Variants in RACGAP1 observed in about 807,000 individuals in gnomAD.
The protein encoded by RACGAP1 is Rac GTPase activating protein 1.
In RACGAP1, 30 loss-of-function variants were observed where a neutral mutation model predicts 78.1. That is an observed-to-expected ratio of 0.38 (90% CI 0.29 to 0.52). The LOEUF (loss-of-function observed/expected upper bound fraction) is 0.52, where lower values mean the gene tolerates loss of function less well. Among genes scored for constraint, RACGAP1 ranks in the 20% least tolerant of loss-of-function variants. RACGAP1 has a pLI of 0.82. For missense variants in RACGAP1, 587 were observed against 777.1 expected, an observed-to-expected ratio of 0.76 and a Z score of 2.91; for synonymous variants, 231 against 264.8, an observed-to-expected ratio of 0.87 and a Z score of 1.24.
chr12:49,997,273 T>C (rs1948357991), intron 9 of RACGAP1, 69 bp from the exon 10 acceptor site: 3 of 161,808 alleles, frequency 1.9e-5, no homozygotes, highest in South Asian at 2.3e-4. Context: ...ATCAACTAAC[T>C]TTTTTTTTTT....
chr12:50,016,977 A>C, intron 1 of RACGAP1: 1 of 1,231,190 alleles, frequency 8.1e-7, no homozygotes. Flanking sequence ...CTTGGAGCAG[A>C]AAACAAATAG....
chr12:50,009,467 T>C (rs958207851), intron 2 of RACGAP1, among the ~76,000 whole-genome samples: 4 of 22,342 alleles, frequency 1.8e-4, no homozygotes, highest in African/African-American at 1.9e-4. Context: ...GAAATCCTGA[T>C]TTTTTTTTTC....
chr12:50,006,838 A>G (rs1443104372), intron 2 of RACGAP1, among the ~76,000 whole-genome samples: 2 of 152,180 alleles, frequency 1.3e-5, no homozygotes, highest in Non-Finnish European at 2.9e-5. Flanking sequence ...AGCAATTCCT[A>G]TTCAATAGGC....
Position 49,992,080 on chromosome 12 carries a change from C to T in RACGAP1, c.1632G>A (p.Met544Ile), listed in dbSNP as rs1231151385. The change falls in exon 15 of 17, where the codon ATG (methionine) becomes ATA (isoleucine). Residue 544 changes from methionine (M) to isoleucine (I), a missense_variant. By Grantham distance (10) the Met-to-Ile change is conservative. Transcript: ENST00000312377. ...LPLEYWSQFM[M>I]VEQENIDPLH... ...GGGGGTCAATGTTCTCTTGCTCCAC[C>T]ATCATGAACTGACTCCAATACTCCA... 1 of 1,614,068 alleles carries T rather than the reference C, an allele frequency of 6.2e-7. No individual in the cohort carries two copies. Among genetic ancestry groups the T allele is most frequent in the Non-Finnish European group, 8.5e-7 (1 of 1,180,002 alleles).
At chr12:50,025,532 C>A, upstream of RACGAP1, 1 of 985,494 alleles carries the variant, frequency 1.0e-6, no homozygotes, top group Non-Finnish European at 1.2e-6. Flanking sequence ...ATTCCTCCCG[C>A]GCCGTCCCTC....
Position 50,022,236 on chromosome 12 carries a change from T to C in RACGAP1, c.-5+3162A>G, listed in dbSNP as rs183376644. On this transcript the variant is annotated intron_variant, in intron 1 of 16. Transcript: ENST00000312377. ...TTTCCTTTATTATCTATAACATTCATTTAGCAGATACAAAAATACTGTTTA... is the reference window on the plus strand; with the variant it reads ...TTTCCTTTATTATCTATAACATTCACTTAGCAGATACAAAAATACTGTTTA... Among the ~76,000 whole-genome samples, 419 of 152,340 alleles carry C rather than the reference T, an allele frequency of 2.8e-3. 2 individuals are homozygous for C. Among genetic ancestry groups the C allele is most frequent in the African/African-American group, 9.7e-3 (404 of 41,574 alleles).
chr12:50,017,428 C>A (rs1277655921), intron 1 of RACGAP1, among the ~76,000 whole-genome samples: 1 of 152,228 alleles, frequency 6.6e-6, no homozygotes, highest in African/African-American at 2.4e-5. Context: ...AAGCAAAAAT[C>A]ATTTGCTACT....
chr12:50,008,721 G>A (rs1176570901), intron 2 of RACGAP1, among the ~76,000 whole-genome samples: 1 of 151,800 alleles, frequency 6.6e-6, no homozygotes, highest in African/African-American at 2.4e-5. Context: ...TCAAACTCCT[G>A]ACCTCAAGTG....
At chr12:50,011,596 T>C (rs996596602) in intron 2 of RACGAP1, among the ~76,000 whole-genome samples, 1 of 151,934 alleles carries the variant, frequency 6.6e-6, no homozygotes, top group African/African-American at 2.4e-5. Context: ...GTAGTGTTTA[T>C]AGTAGTTTGG....
intron 2 of RACGAP1, among the ~76,000 whole-genome samples, chr12:50,015,826 A>T (rs927769634): frequency 1.5e-4 from 22 of 150,476 alleles, no homozygotes; most frequent in African/African-American, 5.0e-4. Flanking sequence ...AATTAAAAAA[A>T]TTTAAAAAAA....
chr12:49,996,404 G>A (rs566896349), intron 10 of RACGAP1, among the ~76,000 whole-genome samples: 6 of 151,608 alleles, frequency 4.0e-5, no homozygotes, highest in African/African-American at 9.7e-5. Context: ...TGAGGTGGGC[G>A]GATCACTTGA....
chr12:50,002,172 G>T, intron 6 of RACGAP1, 75 bp downstream of exon 6: 2 of 1,245,376 alleles, frequency 1.6e-6, no homozygotes, highest in Non-Finnish European at 1.2e-6. Context: ...CAGGAATGCA[G>T]TATCATGGCA....
upstream of RACGAP1, among the ~76,000 whole-genome samples, chr12:50,027,687 G>C (rs546845196): frequency 1.3e-5 from 2 of 152,064 alleles, no homozygotes; most frequent in Non-Finnish European, 1.5e-5. Flanking sequence ...TTAGCCAGGC[G>C]TGGTGGCAGA....
chr12:49,994,318 A>T lies in RACGAP1; in HGVS notation c.1152T>A (p.Tyr384Ter), dbSNP rs1246644591. ...CTGTGCGGTCACAGCCAGAGATCCT[A>T]TACAGGCCTGTCTATTATCAAGATG... ...EQRGLTETGL[Y>*]RISGCDRTVK... Residue 384 changes from tyrosine to a stop codon, truncating the protein, a stop_gained, in exon 12 of 17, where the codon TAT (tyrosine) becomes TAA (stop). Coordinates refer to ENST00000312377, the MANE Select transcript of RACGAP1 (RefSeq NM_001319999.2). LOFTEE classifies it high-confidence loss of function. 1 of 1,614,124 alleles carries T rather than the reference A, an allele frequency of 6.2e-7. No individual in the cohort carries two copies. Among genetic ancestry groups the T allele is most frequent in the Non-Finnish European group, 8.5e-7 (1 of 1,180,022 alleles).
At chr12:50,010,333 C>G (rs202134324) in intron 2 of RACGAP1, among the ~76,000 whole-genome samples, 1 of 107,036 alleles carries the variant, frequency 9.3e-6, no homozygotes. Flanking sequence ...TTTTTTTTTT[C>G]TTTTTTAAGA....
chr12:50,008,166 T>C (rs75834617), intron 2 of RACGAP1, among the ~76,000 whole-genome samples: 3 of 86,258 alleles, frequency 3.5e-5, no homozygotes, highest in Non-Finnish European at 6.2e-5. Flanking sequence ...AGGTGAGAAA[T>C]GTGAAAAAAA....
Position 49,989,973 on chromosome 12 carries a change from C to G in RACGAP1, c.*295G>C. On this transcript the variant is annotated 3_prime_UTR_variant, in exon 17 of 17. Transcript: ENST00000312377. ...GGCTTTAAGCCAAAGGAACAATAACCCCCTTCCCCAAAAAGAATCACAACC... is the reference window on the plus strand; with the variant it reads ...GGCTTTAAGCCAAAGGAACAATAACGCCCTTCCCCAAAAAGAATCACAACC... The G allele has an allele frequency of 3.2e-6, 1 of 310,882 alleles. No individual in the cohort carries two copies. The highest frequency in any genetic ancestry group is 5.9e-6 in the Non-Finnish European group (1 of 168,640). The allele number at this position is 310,882 out of a possible 1,614,324, so 19.3% of individuals were successfully genotyped here.
intron 1 of RACGAP1, among the ~76,000 whole-genome samples, chr12:50,023,862 G>A (rs935246135): frequency 2.0e-5 from 3 of 152,132 alleles, no homozygotes; most frequent in African/African-American, 7.2e-5. Flanking sequence ...GGGTATAAGG[G>A]TAAGAAATCA....
chr12:50,023,927 C>T (rs1592240693), intron 1 of RACGAP1, among the ~76,000 whole-genome samples: 1 of 151,332 alleles, frequency 6.6e-6, no homozygotes, highest in East Asian at 1.9e-4. Flanking sequence ...TTTGGGAGGC[C>T]GAGGTGGGCA....
Sources: allele counts gnomAD v4.1 joint callset (sites outside exome capture counted in the v4.1 genomes callset), GRCh38; gene constraint gnomAD v4.1.1; transcripts MANE v1.5; gene names NCBI Gene and HGNC (gene_info 2026-07-23, HGNC 2026-07-21).